The following RAD54L2 variants were observed in gnomAD, a reference collection of about 807,000 sequenced individuals.
RAD54L2 encodes helicase ARIP4.
A neutral mutation model predicts 138.4 loss-of-function variants in RAD54L2; 27 were observed. The ratio of observed to expected loss-of-function variants is 0.20; its 90% CI spans 0.14 to 0.27. RAD54L2 has a LOEUF of 0.27. Among genes scored for constraint, RAD54L2 ranks in the 10% least tolerant of loss-of-function variants. RAD54L2 has a pLI of 1.00. For missense variants in RAD54L2, 1,396 were observed against 1,890.2 expected (o/e 0.74, Z 4.85); for synonymous variants, 644 against 723.2 (o/e 0.89, Z 1.76).
intron 2 of RAD54L2, among the ~76,000 whole-genome samples, chr3:51,576,609 T>A (rs1699487160): frequency 6.6e-6 from 1 of 152,234 alleles, no homozygotes; most frequent in Non-Finnish European, 1.5e-5. Context: ...TATCCATTTT[T>A]TCTAGATTTT....
intron 3 of RAD54L2, among the ~76,000 whole-genome samples, chr3:51,591,149 A>T (rs1316015080): frequency 1.3e-5 from 2 of 151,986 alleles, no homozygotes; most frequent in African/African-American, 4.8e-5. Context: ...TCCCCTTTTG[A>T]TGCCTTCTAT....
chr3:51,647,746 C>T (rs1701322866), intron 19 of RAD54L2, among the ~76,000 whole-genome samples: 1 of 152,110 alleles, frequency 6.6e-6, no homozygotes, highest in African/African-American at 2.4e-5. Flanking sequence ...CTCCTGGGCT[C>T]AAGTGATCCT....
intron 2 of RAD54L2, among the ~76,000 whole-genome samples, chr3:51,542,423 G>T (rs1452142865): frequency 2.0e-5 from 3 of 151,914 alleles, no homozygotes; most frequent in Non-Finnish European, 4.4e-5. Flanking sequence ...TGGCACTCTG[G>T]ACAGGTGAGG....
intron 3 of RAD54L2, among the ~76,000 whole-genome samples, chr3:51,620,407 CTTTTTTT>C (rs60585256): frequency 2.4e-5 from 2 of 82,558 alleles, no homozygotes; most frequent in African/African-American, 4.6e-5. Context: ...TCCTACTGGT[CTTTTTTT>C]TTTTTTTTTT....
chr3:51,610,084 C>G (rs1203047815), intron 3 of RAD54L2, among the ~76,000 whole-genome samples: 12 of 151,352 alleles, frequency 7.9e-5, no homozygotes. Context: ...TGCAGTGAGC[C>G]GAGATCGAGC....
At chr3:51,639,809 G>A in intron 13 of RAD54L2, 72 bp from the exon 14 acceptor site, 1 of 1,482,436 alleles carries the variant, frequency 6.7e-7, no homozygotes. Flanking sequence ...CTGCTGCCTT[G>A]GAAGGAAATA....
In RAD54L2 at chr3:51,545,602, G is replaced by GTC. The variant is rs556405829; in HGVS notation, c.-55+3960_-55+3961dup. ...TAATTTTTTTTTGTTTTGAGACAGAGTCTCTCTCTGTCACCCATGCTAGAG... is the reference window on the plus strand; with the variant it reads ...TAATTTTTTTTTGTTTTGAGACAGAGTCTCTCTCTCTGTCACCCATGCTAGAG... On this transcript the variant is annotated intron_variant, in intron 2 of 22. Coordinates refer to ENST00000684192, the MANE Select transcript of RAD54L2 (RefSeq NM_015106.4). Among the ~76,000 whole-genome samples the GTC allele has an allele frequency of 3.2e-3, 490 of 151,854 alleles. 1 individual carries two copies. Among genetic ancestry groups the GTC allele is most frequent in the Non-Finnish European group, 5.9e-3 (398 of 67,956 alleles).
At chr3:51,618,610 C>T (rs548235538) in intron 3 of RAD54L2, among the ~76,000 whole-genome samples, 1 of 152,188 alleles carries the variant, frequency 6.6e-6, no homozygotes, top group East Asian at 1.9e-4. Context: ...AGAAACTATA[C>T]TTAAGAAGTG....
intron 2 of RAD54L2, among the ~76,000 whole-genome samples, chr3:51,586,560 G>T (rs975278095): frequency 6.8e-6 from 1 of 148,016 alleles, no homozygotes; most frequent in Non-Finnish European, 1.5e-5. Context: ...ACACTGCAAA[G>T]AAAACACTTT....
intron 16 of RAD54L2, 132 bp from the exon 17 acceptor site, chr3:51,644,891 CA>C: frequency 1.1e-6 from 1 of 870,020 alleles, no homozygotes. Flanking sequence ...AGCAGGACAG[CA>C]AAATCCTTGA....
intron 3 of RAD54L2, among the ~76,000 whole-genome samples, chr3:51,610,864 T>C (rs775676756): frequency 6.6e-6 from 1 of 152,136 alleles, no homozygotes; most frequent in African/African-American, 2.4e-5. Flanking sequence ...CAGCTCTAAA[T>C]CCAACACATC....
At chr3:51,627,889 C>T in intron 4 of RAD54L2, 135 bp downstream of exon 4, 3 of 980,840 alleles carry the variant, frequency 3.1e-6, no homozygotes, top group Non-Finnish European at 4.5e-6. Context: ...AGGTGTGTGT[C>T]TTCATTAATA....
rs1392870939 is a variant in RAD54L2 at position 51,659,990 on chromosome 3, T to C, written c.3317-36T>C. On this transcript the variant is annotated intron_variant, in intron 21 of 22. Transcript: ENST00000684192. ...TTCCCAGGGTTGGCTGTATTATATG[T>C]CTGCCTCTAACTGTCTTCTTCGTGT... 4 of 1,512,456 alleles carry C rather than the reference T, an allele frequency of 2.6e-6. No individual in the cohort carries two copies. In the East Asian group the frequency reaches 9.4e-5, roughly 35 times the overall value. 93.7% of individuals were successfully genotyped at this position (1,512,456 alleles called of 1,614,324 possible).
At chr3:51,593,034 A>G (rs1385088030) in intron 3 of RAD54L2, among the ~76,000 whole-genome samples, 1 of 152,150 alleles carries the variant, frequency 6.6e-6, no homozygotes, top group Non-Finnish European at 1.5e-5. Flanking sequence ...ATCTAGTTTT[A>G]GTTGGTGTAG....
Position 51,590,456 on chromosome 3 carries a change from C to A in RAD54L2, c.36C>A (p.Asp12Glu), listed in dbSNP as rs1213118606. The change falls in exon 3 of 23, where the codon GAC (aspartate) becomes GAA (glutamate). Residue 12 changes from aspartate (D) to glutamate (E), a missense_variant. Coordinates refer to ENST00000684192, the MANE Select transcript of RAD54L2 (RefSeq NM_015106.4). ...AATCTGCCTCAGGGAGCGATCCAGACCTGGACCCGGACGTGGAGCTGGAGG... is the reference window on the plus strand; with the variant it reads ...AATCTGCCTCAGGGAGCGATCCAGAACTGGACCCGGACGTGGAGCTGGAGG... ...SDESASGSDP[D>E]LDPDVELEDA... 5.2e-6 allele frequency: 8 copies of A among 1,551,250 alleles called. No individual in the cohort carries two copies. Among genetic ancestry groups the A allele is most frequent in the Non-Finnish European group, 6.1e-6 (7 of 1,146,594 alleles).
At chr3:51,615,713 A>AGC (rs1700429933) in intron 3 of RAD54L2, among the ~76,000 whole-genome samples, 1 of 152,206 alleles carries the variant, frequency 6.6e-6, no homozygotes, top group Admixed American at 6.5e-5. Flanking sequence ...TAAAGGAGTG[A>AGC]GCCCCAGCAG....
At chr3:51,548,121 T>G (rs1455061936) in intron 2 of RAD54L2, among the ~76,000 whole-genome samples, 1 of 151,928 alleles carries the variant, frequency 6.6e-6, no homozygotes, top group African/African-American at 2.4e-5. Flanking sequence ...CTTGAACTCC[T>G]GACCTCAGGT....
intron 20 of RAD54L2, among the ~76,000 whole-genome samples, chr3:51,657,375 A>G (rs965761078): frequency 6.6e-6 from 1 of 152,206 alleles, no homozygotes; most frequent in East Asian, 1.9e-4. Context: ...ATTTCTGACA[A>G]AGTTCCTGTT....
chr3:51,557,663 C>T (rs1266966365), intron 2 of RAD54L2, among the ~76,000 whole-genome samples: 2 of 151,658 alleles, frequency 1.3e-5, no homozygotes, highest in African/African-American at 4.8e-5. Context: ...AACCCTGTCT[C>T]TATTAAATAT....
Sources: allele counts gnomAD v4.1 joint callset (sites outside exome capture counted in the v4.1 genomes callset), GRCh38; gene constraint gnomAD v4.1.1; transcripts MANE v1.5; gene names NCBI Gene and HGNC (gene_info 2026-07-23, HGNC 2026-07-21).